SORCS2: variants seen among roughly 807,000 people sequenced by gnomAD.
SORCS2 encodes the protein sortilin related VPS10 domain containing receptor 2, also known as VPS10 domain-containing receptor SorCS2.
A neutral mutation model predicts 141.6 loss-of-function variants in SORCS2; 100 were observed. That is an observed-to-expected ratio of 0.71 (90% CI 0.60 to 0.83). The LOEUF is 0.83. Ranked by LOEUF, SORCS2 falls within the 40% of genes least tolerant of loss-of-function variation. SORCS2 has a pLI of 0.00. For synonymous variants in SORCS2, 789 were observed against 676.9 expected, an observed-to-expected ratio of 1.17 and a Z score of -2.57; for missense variants, 1,646 against 1,560.2, an observed-to-expected ratio of 1.05 and a Z score of -0.93.
rs1712749884 is a variant in SORCS2 at position 7,742,477 on chromosome 4, T to A, written c.*2213T>A. The A allele has an allele frequency of 6.6e-6, 1 of 152,198 alleles. No individual in the cohort carries two copies. Among genetic ancestry groups the A allele is most frequent in the Non-Finnish European group, 1.5e-5 (1 of 68,056 alleles). The allele number at this position is 152,198 out of a possible 1,614,324, so 9.4% of individuals were successfully genotyped here. On this transcript the variant is annotated 3_prime_UTR_variant, in exon 27 of 27. Transcript: ENST00000507866. ...AATTCTCTCTGCTGTTTGGGTTGGG[T>A]TTTTCCCCTTAGTTATCTGTGGGTT...
intron 3 of SORCS2, among the ~76,000 whole-genome samples, chr4:7,620,975 C>T (rs145790191): frequency 0.012 from 1,792 of 152,250 alleles, 33 homozygotes; most frequent in African/African-American, 0.041. Flanking sequence ...TGTGTTAGCC[C>T]ACCACCAAGA....
At chr4:7,622,685 T>C (rs4689799) in intron 3 of SORCS2, among the ~76,000 whole-genome samples, 74,788 of 151,878 alleles carry the variant, frequency 0.49, 18,606 homozygotes, top group East Asian at 0.69. Flanking sequence ...GACGGATATC[T>C]GTTCTTCCAG....
chr4:7,707,767 G>A (rs1424627799), intron 14 of SORCS2, among the ~76,000 whole-genome samples: 1 of 152,222 alleles, frequency 6.6e-6, no homozygotes, highest in Non-Finnish European at 1.5e-5. Context: ...TGAATAAATG[G>A]GTGGTGATGC....
intron 1 of SORCS2, among the ~76,000 whole-genome samples, chr4:7,384,715 G>A (rs138492729): frequency 0.016 from 2,385 of 152,254 alleles, 26 homozygotes; most frequent in Middle Eastern, 0.085. Context: ...CACTGTGCCG[G>A]TTGCTCCCTC....
chr4:7,367,734 CG>C (rs1471036544), intron 1 of SORCS2, among the ~76,000 whole-genome samples: 1 of 152,212 alleles, frequency 6.6e-6, no homozygotes, highest in African/African-American at 2.4e-5. Flanking sequence ...TCTGTGAAAG[CG>C]TGCATTGAAT....
At chr4:7,667,978 G>A (rs1011055391) in intron 8 of SORCS2, among the ~76,000 whole-genome samples, 1 of 152,200 alleles carries the variant, frequency 6.6e-6, no homozygotes. Flanking sequence ...CACCTCCCTC[G>A]TGAGGACATT....
At chr4:7,623,416 CTTTGCTG>C (rs1234212997) in intron 3 of SORCS2, among the ~76,000 whole-genome samples, 1 of 152,024 alleles carries the variant, frequency 6.6e-6, no homozygotes, top group Non-Finnish European at 1.5e-5. Context: ...TTCTGCAGCA[CTTTGCTG>C]TCTGGTCCTC....
At chr4:7,350,572 C>A (rs1489165243) in intron 1 of SORCS2, among the ~76,000 whole-genome samples, 1 of 152,158 alleles carries the variant, frequency 6.6e-6, no homozygotes, top group Non-Finnish European at 1.5e-5. Flanking sequence ...GCTGGGGGGA[C>A]CCAGTGGATT....
At chr4:7,501,372 G>A (rs895838593) in intron 2 of SORCS2, among the ~76,000 whole-genome samples, 4 of 152,170 alleles carry the variant, frequency 2.6e-5, no homozygotes, top group African/African-American at 9.7e-5. Context: ...CCGTGATGAC[G>A]TTACCAGACA....
At chr4:7,300,997 G>A (rs571093699) in intron 1 of SORCS2, among the ~76,000 whole-genome samples, 1 of 152,148 alleles carries the variant, frequency 6.6e-6, no homozygotes, top group Non-Finnish European at 1.5e-5. Context: ...GTGTGGCCCA[G>A]CTGTCTGTGA....
At chr4:7,716,371 C>G (rs1216659184) in intron 17 of SORCS2, among the ~76,000 whole-genome samples, 6 of 152,184 alleles carry the variant, frequency 3.9e-5, no homozygotes, top group African/African-American at 1.4e-4. Flanking sequence ...ATTTATCCAC[C>G]CATCATCCAG....
intron 3 of SORCS2, among the ~76,000 whole-genome samples, chr4:7,565,624 A>AATGATGGTG (rs1714918241): frequency 1.3e-5 from 2 of 150,426 alleles, no homozygotes; most frequent in Admixed American, 1.3e-4. Context: ...TAATGATGAT[A>AATGATGGTG]ATGATGGTGA....
At chr4:7,285,979 A>G (rs1484883822) in intron 1 of SORCS2, among the ~76,000 whole-genome samples, 2 of 152,164 alleles carry the variant, frequency 1.3e-5, no homozygotes, top group African/African-American at 2.4e-5. Flanking sequence ...CAGCACCACC[A>G]TTAATCAGCA....
intron 2 of SORCS2, among the ~76,000 whole-genome samples, chr4:7,408,572 TG>T (rs1444178555): frequency 1.3e-5 from 2 of 152,170 alleles, no homozygotes; most frequent in Non-Finnish European, 2.9e-5. Context: ...TTATATGCCT[TG>T]GGGGTAGTCT....
intron 1 of SORCS2, among the ~76,000 whole-genome samples, chr4:7,300,326 G>A (rs11730578): frequency 0.24 from 36,297 of 151,970 alleles, 5,050 homozygotes; most frequent in South Asian, 0.45. Flanking sequence ...AGGGTGGGGG[G>A]TACTTTTCTG....
intron 1 of SORCS2, among the ~76,000 whole-genome samples, chr4:7,345,467 TGGGGGTCTC>T: frequency 6.6e-6 from 1 of 152,076 alleles, no homozygotes; most frequent in Non-Finnish European, 1.5e-5. Flanking sequence ...GGCAGTAACT[TGGGGGTCTC>T]CTGGCTTCCT....
intron 1 of SORCS2, among the ~76,000 whole-genome samples, chr4:7,332,937 C>T (rs1055885762): frequency 6.6e-6 from 1 of 151,532 alleles, no homozygotes; most frequent in Non-Finnish European, 1.5e-5. Context: ...TCCACATCAG[C>T]AAAACAGGGA....
chr4:7,558,020 C>G (rs1714262062), intron 3 of SORCS2, among the ~76,000 whole-genome samples: 1 of 152,176 alleles, frequency 6.6e-6, no homozygotes, highest in South Asian at 2.1e-4. Context: ...CACAGTGAAG[C>G]CTCTGAGGTT....
intron 1 of SORCS2, among the ~76,000 whole-genome samples, chr4:7,276,858 G>A (rs1423347062): frequency 6.6e-6 from 1 of 152,202 alleles, no homozygotes; most frequent in Non-Finnish European, 1.5e-5. Context: ...GTTGATGTGT[G>A]TGGGTGCATC....
Sources: gnomAD v4.1 joint callset for allele counts (sites outside exome capture counted in the v4.1 genomes callset) on GRCh38, gnomAD v4.1.1 for gene constraint, MANE v1.5 for transcripts, NCBI Gene and HGNC (gene_info 2026-07-23, HGNC 2026-07-21) for gene names.